The following MYO3A variants were observed in gnomAD, a reference collection of about 807,000 sequenced individuals.
MYO3A encodes myosin IIIA.
MYO3A carries 180 observed loss-of-function variants against 192.7 expected under a neutral mutation model. The ratio of observed to expected loss-of-function variants is 0.93; its 90% CI spans 0.83 to 1.06. The LOEUF (loss-of-function observed/expected upper bound fraction) is 1.06. Among genes scored for constraint, MYO3A ranks in the 50% least tolerant of loss-of-function variants. MYO3A has a pLI of 0.00. For synonymous variants in MYO3A, 628 were observed against 645.3 expected (o/e 0.97, Z 0.41); for missense variants, 1,896 against 1,905.0 (o/e 1.00, Z 0.09).
intron 10 of MYO3A, among the ~76,000 whole-genome samples, chr10:26,028,076 A>G (rs577933433): frequency 2.0e-5 from 3 of 152,368 alleles, no homozygotes; most frequent in East Asian, 1.9e-4. Flanking sequence ...CCTGTTGTGA[A>G]TATACACATT....
Position 26,024,075 on chromosome 10 carries a change from A to G in MYO3A, c.785A>G (p.Asp262Gly). The G allele has an allele frequency of 6.2e-7, 1 of 1,612,886 alleles. No individual in the cohort carries two copies. The highest frequency in any genetic ancestry group is 8.5e-7 in the Non-Finnish European group (1 of 1,178,982). Reference protein sequence around the residue: ...QPELWSAEFNDFISKCLTKDY... With the variant: ...QPELWSAEFNGFISKCLTKDY... ...GAGCTATGGTCAGCAGAATTCAATGACTTCATAAGCAAGTGAGTAAAAACA... is the reference window on the plus strand; with the variant it reads ...GAGCTATGGTCAGCAGAATTCAATGGCTTCATAAGCAAGTGAGTAAAAACA... Residue 262 changes from aspartate (D) to glycine (G), a missense_variant, in exon 9 of 35, where the codon GAC (aspartate) becomes GGC (glycine). Transcript: ENST00000642920.
chr10:26,175,810 G>A (rs74859992), intron 30 of MYO3A, among the ~76,000 whole-genome samples: 11,230 of 152,260 alleles, frequency 0.074, 463 homozygotes, highest in Non-Finnish European at 0.089. Flanking sequence ...CATCCACTAG[G>A]AGCTGGCCAG....
intron 3 of MYO3A, among the ~76,000 whole-genome samples, chr10:25,953,916 ATAAATT>A (rs1041120050): frequency 2.0e-5 from 3 of 152,188 alleles, no homozygotes; most frequent in Non-Finnish European, 4.4e-5. Flanking sequence ...ATAATCTTAA[ATAAATT>A]TAAATGCATC....
intron 14 of MYO3A, 21 bp from the exon 15 acceptor site, chr10:26,088,182 A>G (rs1171248574): frequency 9.8e-6 from 15 of 1,532,134 alleles, no homozygotes; most frequent in Non-Finnish European, 1.2e-5. Flanking sequence ...TTTTAAAAAT[A>G]TCTTAATATT....
chr10:26,159,443 T>C (rs1011533151), intron 26 of MYO3A, among the ~76,000 whole-genome samples: 2 of 149,200 alleles, frequency 1.3e-5, no homozygotes, highest in African/African-American at 4.9e-5. Context: ...CACTGCAAGC[T>C]CCGCTTCACA....
rs542268747 is a variant in MYO3A at position 26,143,450 on chromosome 10, T to G, written c.2265T>G (p.Asn755Lys). 1 of 1,610,474 alleles carries G rather than the reference T, an allele frequency of 6.2e-7. No individual in the cohort carries two copies. Among genetic ancestry groups the G allele is most frequent in the African/African-American group, 1.3e-5 (1 of 74,976 alleles). ...AAGTGGTTTTGTCTTTATTATAGAA[T>G]GAATACCTAAATGAAGATGTGGATG... ...YNQHVFAWEQ[N>K]EYLNEDVDAR... Residue 755 changes from asparagine (N) to lysine (K), a missense_variant and splice_region_variant, in exon 21 of 35, where the codon AAT (asparagine) becomes AAG (lysine). Physicochemically the swap from Asn to Lys is moderately conservative, Grantham distance 94. Transcript: ENST00000642920.
intron 1 of MYO3A, among the ~76,000 whole-genome samples, chr10:25,935,199 T>A (rs1195470497): frequency 1.3e-5 from 2 of 152,154 alleles, no homozygotes; most frequent in African/African-American, 4.8e-5. Context: ...ACAAGAAAAG[T>A]ATGATCATTA....
rs757011061 is a variant in MYO3A at position 26,068,801 on chromosome 10, T to G, written c.1087T>G (p.Ser363Ala). 1.3e-6 allele frequency: 2 copies of G among 1,595,064 alleles called. No individual in the cohort carries two copies. The highest frequency in any genetic ancestry group is 2.2e-5 in the South Asian group (2 of 90,762). The change falls in exon 12 of 35, where the codon TCC (serine) becomes GCC (alanine). Residue 363 changes from serine (S) to alanine (A), a missense_variant. Ser to Ala is a moderately conservative substitution (Grantham distance 99). Coordinates refer to ENST00000642920, the MANE Select transcript of MYO3A (RefSeq NM_017433.5). ...CTCAGAGCAACTTGAGAAGTGTTAT[T>G]CCAGAGATCAGATCTACGTCTATGT... ...TVSEQLEKCY[S>A]RDQIYVYVGD...
intron 32 of MYO3A, among the ~76,000 whole-genome samples, chr10:26,194,190 C>T (rs1348113022): frequency 2.0e-5 from 3 of 152,166 alleles, no homozygotes; most frequent in African/African-American, 7.2e-5. Flanking sequence ...ACGTAACTGC[C>T]TAATCGCATC....
intron 10 of MYO3A, among the ~76,000 whole-genome samples, chr10:26,051,594 T>C (rs1844008594): frequency 6.7e-6 from 1 of 148,256 alleles, no homozygotes; most frequent in Non-Finnish European, 1.5e-5. Context: ...ATATATAGTA[T>C]ATATAAAACA....
chr10:25,944,708 C>T (rs1836726796), intron 2 of MYO3A, among the ~76,000 whole-genome samples: 1 of 151,948 alleles, frequency 6.6e-6, no homozygotes, highest in Non-Finnish European at 1.5e-5. Flanking sequence ...GTTAACAGTA[C>T]TCTCTTATAA....
intron 18 of MYO3A, among the ~76,000 whole-genome samples, chr10:26,122,694 C>G (rs1464183608): frequency 6.6e-6 from 1 of 152,116 alleles, no homozygotes; most frequent in Non-Finnish European, 1.5e-5. Flanking sequence ...CTTTCCCTCT[C>G]CATCACCTCC....
chr10:26,141,746 T>C (rs1373289165), intron 20 of MYO3A, among the ~76,000 whole-genome samples: 6 of 152,254 alleles, frequency 3.9e-5, no homozygotes, highest in Admixed American at 3.9e-4. Flanking sequence ...CTTCAAGTCA[T>C]CGTTTTCATT....
chr10:26,026,368 C>T lies in MYO3A; in HGVS notation c.798-9C>T. 1.9e-6 allele frequency: 3 copies of T among 1,613,114 alleles called. No individual in the cohort carries two copies. The highest frequency in any genetic ancestry group is 4.5e-5 in the East Asian group (2 of 44,850). Reference sequence around the variant, plus strand: ...TCTAATAATTGCATGTTCTTTTTTGCCAGTGCAGGTGCTTGACTAAAGATT... The same window carrying T: ...TCTAATAATTGCATGTTCTTTTTTGTCAGTGCAGGTGCTTGACTAAAGATT... On this transcript the variant is annotated splice_polypyrimidine_tract_variant and intron_variant, in intron 9 of 34. Transcript: ENST00000642920.
Position 26,067,032 on chromosome 10 carries a change from G to A in MYO3A, c.1011G>A (p.Leu337=). 6.2e-7 allele frequency: 1 copy of A among 1,613,062 alleles called. No individual in the cohort carries two copies. Among genetic ancestry groups the A allele is most frequent in the Non-Finnish European group, 8.5e-7 (1 of 1,179,086 alleles). Residue 337 remains leucine, a synonymous_variant, in exon 11 of 35, where the codon CTG becomes CTA. Transcript: ENST00000642920. The part of the protein sequence containing the change: ...GNFNRPLISN[L]KDVDDLATLE... Reference sequence around the variant, plus strand: ...TCAACCGACCTCTAATATCCAATCTGAAGGATGTAGATGATTTAGCAACCC... The same window carrying A: ...TCAACCGACCTCTAATATCCAATCTAAAGGATGTAGATGATTTAGCAACCC...
intron 10 of MYO3A, among the ~76,000 whole-genome samples, chr10:26,041,134 T>C (rs1258727116): frequency 6.6e-6 from 1 of 152,114 alleles, no homozygotes; most frequent in East Asian, 1.9e-4. Flanking sequence ...CTCTTTATCA[T>C]TACATAGTGA....
At chr10:25,935,042 G>T (rs1174061158) in intron 1 of MYO3A, among the ~76,000 whole-genome samples, 1 of 152,030 alleles carries the variant, frequency 6.6e-6, no homozygotes, top group Non-Finnish European at 1.5e-5. Flanking sequence ...GCTTTGCGGC[G>T]CCGCCCACAG....
intron 10 of MYO3A, among the ~76,000 whole-genome samples, chr10:26,032,336 G>A (rs1009663730): frequency 3.9e-5 from 6 of 152,196 alleles, no homozygotes; most frequent in African/African-American, 1.4e-4. Context: ...AAAAGTACCG[G>A]CCAGGTGCCG....
chr10:25,971,990 T>G (rs1158765748), intron 4 of MYO3A, among the ~76,000 whole-genome samples: 1 of 152,040 alleles, frequency 6.6e-6, no homozygotes, highest in Non-Finnish European at 1.5e-5. Flanking sequence ...CTACATGCAT[T>G]TATCTTATTT....
Sources: gnomAD v4.1 joint callset for allele counts (sites outside exome capture counted in the v4.1 genomes callset) on GRCh38, gnomAD v4.1.1 for gene constraint, MANE v1.5 for transcripts, NCBI Gene and HGNC (gene_info 2026-07-23, HGNC 2026-07-21) for gene names.